NAA16: variants seen among roughly 807,000 people sequenced by gnomAD.
NAA16 encodes NARG1-like protein.
A neutral mutation model predicts 110.3 loss-of-function variants in NAA16; 97 were observed. The ratio of observed to expected loss-of-function variants is 0.88; its 90% confidence interval spans 0.75 to 1.04. The LOEUF (loss-of-function observed/expected upper bound fraction) is 1.04. Ranked by LOEUF, NAA16 falls within the 50% of genes least tolerant of loss-of-function variation. The probability of loss-of-function intolerance (pLI) is 0.00; values close to 1 mark genes in which losing one functional copy is unlikely to be tolerated. For missense variants in NAA16, 1,017 were observed against 1,005.1 expected (o/e 1.01, Z -0.16); for synonymous variants, 372 against 330.6 (o/e 1.13, Z -1.36).
intron 7 of NAA16, among the ~76,000 whole-genome samples, chr13:41,330,054 T>A (rs2042194973): frequency 6.6e-6 from 1 of 151,906 alleles, no homozygotes; most frequent in South Asian, 2.1e-4. Flanking sequence ...TGGCGCTTGT[T>A]GTTCTCTACG....
At position 41,372,936 on chromosome 13, in the gene NAA16, GA is replaced by G. The variant is rs2043351489; in HGVS notation, c.2155+108del. On this transcript the variant is annotated intron_variant, in intron 17 of 19. Coordinates refer to ENST00000379406, the MANE Select transcript of NAA16 (RefSeq NM_024561.5). Reference sequence around the variant, plus strand: ...AAATATTTAATAACCCTCTCTTTGTGAAGTAAAAAGCCCTGATTTGTATTTT... The same window carrying G: ...AAATATTTAATAACCCTCTCTTTGTGAGTAAAAAGCCCTGATTTGTATTTT... 12 of 1,222,794 alleles carry G rather than the reference GA, an allele frequency of 9.8e-6. 2 individuals are homozygous for G. In the South Asian group the frequency reaches 3.1e-4, roughly 32 times the overall value. The allele number at this position is 1,222,794 out of a possible 1,614,324, so 75.7% of individuals were successfully genotyped here.
chr13:41,335,872 T>TCC (rs1444488625), intron 8 of NAA16, among the ~76,000 whole-genome samples: 11 of 131,298 alleles, frequency 8.4e-5, no homozygotes, highest in African/African-American at 2.8e-4. Flanking sequence ...TTTTTTTTTT[T>TCC]CCCCCAAATG....
chr13:41,349,426 C>T (rs2042768819), intron 9 of NAA16, among the ~76,000 whole-genome samples: 1 of 151,808 alleles, frequency 6.6e-6, no homozygotes, highest in East Asian at 1.9e-4. Context: ...AAGTGATCCT[C>T]TCACTTAGGC....
At chr13:41,372,361 C>T (rs2043339142) in intron 16 of NAA16, 50 bp downstream of exon 16, 3 of 1,524,190 alleles carry the variant, frequency 2.0e-6, no homozygotes, top group South Asian at 2.6e-5. Context: ...TATTTGTGAC[C>T]ATATTCAGTG....
At chr13:41,336,564 T>G (rs113779853) in intron 8 of NAA16, 86 bp from the exon 9 acceptor site, 16 of 805,870 alleles carry the variant, frequency 2.0e-5, no homozygotes, top group African/African-American at 1.8e-4. Context: ...TAATTGCTTC[T>G]GAGGGAGCTT....
intron 8 of NAA16, among the ~76,000 whole-genome samples, chr13:41,333,413 A>G (rs1216200677): frequency 1.3e-5 from 2 of 151,966 alleles, no homozygotes; most frequent in African/African-American, 2.4e-5. Flanking sequence ...CCCCATACCT[A>G]TTTCACTCCC....
chr13:41,315,927 G>A (rs1479796051), intron 1 of NAA16, among the ~76,000 whole-genome samples: 1 of 151,922 alleles, frequency 6.6e-6, no homozygotes, highest in Non-Finnish European at 1.5e-5. Flanking sequence ...GCACCACCAC[G>A]CCTGAGGAAT....
intron 9 of NAA16, among the ~76,000 whole-genome samples, chr13:41,351,732 G>A (rs1228889840): frequency 6.6e-6 from 1 of 151,430 alleles, no homozygotes; most frequent in Non-Finnish European, 1.5e-5. Context: ...TAAACCAGGA[G>A]AAGGTGGCTG....
At chr13:41,362,205 A>T (rs1166325067) in intron 13 of NAA16, 46 bp downstream of exon 13, 18 of 1,553,094 alleles carry the variant, frequency 1.2e-5, no homozygotes, top group Non-Finnish European at 1.6e-5. Context: ...TAAGGTGATA[A>T]AAAGCAGGTA....
intron 9 of NAA16, among the ~76,000 whole-genome samples, chr13:41,350,433 A>G (rs1469840302): frequency 6.7e-6 from 1 of 149,352 alleles, no homozygotes; most frequent in African/African-American, 2.5e-5. Flanking sequence ...AGCTGGGACT[A>G]CAGGCGCCCG....
chr13:41,322,880 G>A (rs2041982437), intron 4 of NAA16, among the ~76,000 whole-genome samples, 176 bp from the exon 5 acceptor site: 1 of 152,090 alleles, frequency 6.6e-6, no homozygotes, highest in African/African-American at 2.4e-5. Flanking sequence ...GTATTACAGG[G>A]TATTGTAGAA....
intron 13 of NAA16, among the ~76,000 whole-genome samples, chr13:41,365,448 TA>T (rs907285212): frequency 4.3e-4 from 65 of 151,770 alleles, no homozygotes; most frequent in African/African-American, 1.4e-3. Context: ...AACAAAAAGT[TA>T]AAAAAAAATT....
At chr13:41,337,889 G>C (rs2042424282) in intron 9 of NAA16, among the ~76,000 whole-genome samples, 1 of 151,850 alleles carries the variant, frequency 6.6e-6, no homozygotes, top group African/African-American at 2.4e-5. Flanking sequence ...GTGGCAGCAG[G>C]TTTCATAAAC....
chr13:41,347,919 TAGA>T (rs1269825938), intron 9 of NAA16, among the ~76,000 whole-genome samples: 2 of 152,200 alleles, frequency 1.3e-5, no homozygotes, highest in Admixed American at 1.3e-4. Flanking sequence ...TTCCTGCTCT[TAGA>T]GGAAAAGCAT....
At chr13:41,358,155 T>C in intron 10 of NAA16, 149 bp from the exon 11 acceptor site, 1 of 690,056 alleles carries the variant, frequency 1.4e-6, no homozygotes, top group South Asian at 2.2e-5. Flanking sequence ...TATGAAGTCA[T>C]ACCTCTTTCT....
At chr13:41,333,790 C>G (rs1395193637) in intron 8 of NAA16, among the ~76,000 whole-genome samples, 2 of 151,214 alleles carry the variant, frequency 1.3e-5, no homozygotes, top group African/African-American at 2.4e-5. Context: ...TAAAAGCCCT[C>G]AATATGTGGC....
intron 14 of NAA16, 110 bp downstream of exon 14, chr13:41,367,762 A>G: frequency 2.8e-6 from 2 of 715,974 alleles, no homozygotes; most frequent in Non-Finnish European, 4.2e-6. Flanking sequence ...GGAGTTGAAG[A>G]CAAACATTAG....
chr13:41,352,129 C>T (rs2042852237), intron 9 of NAA16, among the ~76,000 whole-genome samples: 1 of 152,114 alleles, frequency 6.6e-6, no homozygotes, highest in Non-Finnish European at 1.5e-5. Flanking sequence ...ATCGCTTGCG[C>T]TCAGGAGTTT....
At chr13:41,344,956 A>G (rs1431892717) in intron 9 of NAA16, among the ~76,000 whole-genome samples, 1 of 152,116 alleles carries the variant, frequency 6.6e-6, no homozygotes, top group Non-Finnish European at 1.5e-5. Flanking sequence ...CCCAGTCTGG[A>G]CCTTTTATAT....
Sources: gnomAD v4.1 joint callset for allele counts (sites outside exome capture counted in the v4.1 genomes callset) on GRCh38, gnomAD v4.1.1 for gene constraint, MANE v1.5 for transcripts, NCBI Gene and HGNC (gene_info 2026-07-23, HGNC 2026-07-21) for gene names.